Variants in LRRC7 observed in about 807,000 individuals in gnomAD.
LRRC7 encodes leucine-rich repeat-containing protein 7.
LRRC7 carries 23 observed loss-of-function variants against 175.7 expected under a neutral mutation model. The ratio of observed to expected loss-of-function variants is 0.13; its 90% CI spans 0.09 to 0.19. LRRC7 has a LOEUF of 0.19. Ranked by LOEUF, LRRC7 falls within the 10% of genes least tolerant of loss-of-function variation. The pLI is 1.00. For missense variants in LRRC7, 1,354 were observed against 1,904.7 expected (o/e 0.71, Z 5.38); for synonymous variants, 685 against 680.9 (o/e 1.01, Z -0.09).
At chr1:70,091,432 T>C (rs1275090044) in intron 25 of LRRC7, among the ~76,000 whole-genome samples, 1 of 152,152 alleles carries the variant, frequency 6.6e-6, no homozygotes, top group African/African-American at 2.4e-5. Flanking sequence ...AACCTTATGA[T>C]ACTTAAGAGA....
intron 18 of LRRC7, among the ~76,000 whole-genome samples, chr1:70,031,754 C>T (rs1329724173): frequency 6.6e-6 from 1 of 151,820 alleles, no homozygotes; most frequent in Non-Finnish European, 1.5e-5. Context: ...TTTTTTATCA[C>T]AGCAACCACC....
chr1:69,799,068 G>C (rs1219336949), intron 4 of LRRC7, among the ~76,000 whole-genome samples: 2 of 144,872 alleles, frequency 1.4e-5, no homozygotes, highest in Non-Finnish European at 3.0e-5. Flanking sequence ...TTAGGTTTTT[G>C]GTGACTTGAA....
At chr1:70,063,918 C>G (rs1661772835) in intron 23 of LRRC7, among the ~76,000 whole-genome samples, 1 of 151,936 alleles carries the variant, frequency 6.6e-6, no homozygotes, top group Non-Finnish European at 1.5e-5. Context: ...ATTCAATATG[C>G]CAGAGATGAC....
intron 23 of LRRC7, among the ~76,000 whole-genome samples, chr1:70,063,083 A>G (rs921445739): frequency 7.9e-5 from 12 of 152,130 alleles, no homozygotes; most frequent in Non-Finnish European, 1.6e-4. Context: ...GTATTGAAGG[A>G]CATCACTGTC....
intron 11 of LRRC7, among the ~76,000 whole-genome samples, chr1:69,999,625 A>G (rs1222673506): frequency 1.3e-5 from 2 of 152,166 alleles, no homozygotes; most frequent in Non-Finnish European, 2.9e-5. Flanking sequence ...AGATGGAAGT[A>G]TCCACTCAAA....
At chr1:69,788,072 TC>T (rs1674694083) in intron 3 of LRRC7, among the ~76,000 whole-genome samples, 1 of 151,978 alleles carries the variant, frequency 6.6e-6, no homozygotes, top group Admixed American at 6.6e-5. Context: ...CCCTGCTAAA[TC>T]CCTTTGCAGA....
intron 1 of LRRC7, among the ~76,000 whole-genome samples, chr1:69,625,239 T>C (rs1651292175): frequency 6.6e-6 from 1 of 151,516 alleles, no homozygotes; most frequent in South Asian, 2.1e-4. Context: ...TATGGGAATT[T>C]GTCTTTTGAT....
chr1:70,090,658 C>T (rs185102083), intron 25 of LRRC7, among the ~76,000 whole-genome samples: 53 of 152,000 alleles, frequency 3.5e-4, no homozygotes, highest in African/African-American at 1.3e-3. Flanking sequence ...TTAACTGACC[C>T]CATAAAACTT....
At chr1:69,594,833 C>G (rs1037048139) in intron 1 of LRRC7, among the ~76,000 whole-genome samples, 1 of 152,134 alleles carries the variant, frequency 6.6e-6, no homozygotes, top group East Asian at 1.9e-4. Context: ...ATTGAATCCA[C>G]TCATGCTGTT....
intron 7 of LRRC7, among the ~76,000 whole-genome samples, chr1:69,920,568 A>G (rs1482928518): frequency 1.3e-5 from 2 of 152,154 alleles, no homozygotes; most frequent in Non-Finnish European, 2.9e-5. Context: ...TAATAAAATT[A>G]GTTTTGTCTT....
At chr1:69,738,929 G>A (rs190935199) in intron 2 of LRRC7, among the ~76,000 whole-genome samples, 33 of 152,126 alleles carry the variant, frequency 2.2e-4, no homozygotes, top group African/African-American at 7.5e-4. Flanking sequence ...GAAAAAGATG[G>A]CCAAGTGAGA....
chr1:69,636,819 A>G (rs1263290229), intron 1 of LRRC7, among the ~76,000 whole-genome samples: 2 of 152,008 alleles, frequency 1.3e-5, no homozygotes, highest in Non-Finnish European at 2.9e-5. Context: ...TACAATGGAC[A>G]GTCTAGTGTT....
chr1:69,678,384 G>A lies in LRRC7; in HGVS notation c.6G>A (p.Met2Ile). Residue 2 changes from methionine (M) to isoleucine (I), a missense_variant, in exon 2 of 27, where the codon ATG becomes ATA. Around this residue, in one of 4 missense-constraint regions of LRRC7, gnomAD observed 68 missense variants for 83.4 expected, o/e 0.82. Coordinates refer to ENST00000651989, the MANE Select transcript of LRRC7 (RefSeq NM_001370785.2). MMENLIRGRNPP... is the reference protein window; with the variant it reads MIENLIRGRNPP... ...CTCTTCTGATTCTCTCTTATAGGAT[G>A]GAGAACCTAATAAGGGGAAGGAATC... The A allele has an allele frequency of 6.3e-7, 1 of 1,585,384 alleles. No homozygotes were observed. Among genetic ancestry groups the A allele is most frequent in the Non-Finnish European group, 8.6e-7 (1 of 1,163,100 alleles).
At chr1:69,587,167 T>G (rs902698617) in intron 1 of LRRC7, among the ~76,000 whole-genome samples, 5 of 152,210 alleles carry the variant, frequency 3.3e-5, no homozygotes, top group Admixed American at 2.0e-4. Context: ...ATCCCTTCTC[T>G]TTGTCTTCAT....
chr1:70,011,714 G>C, intron 11 of LRRC7, 83 bp from the exon 12 acceptor site: 2 of 895,228 alleles, frequency 2.2e-6, no homozygotes, highest in Non-Finnish European at 3.5e-6. Flanking sequence ...CTTTTGTTTT[G>C]GTGAATTTTG....
At chr1:69,742,401 C>T (rs575281883) in intron 2 of LRRC7, among the ~76,000 whole-genome samples, 2 of 151,638 alleles carry the variant, frequency 1.3e-5, no homozygotes, top group African/African-American at 2.4e-5. Flanking sequence ...ATTTGCAAAC[C>T]AATAATTTTA....
intron 1 of LRRC7, among the ~76,000 whole-genome samples, chr1:69,661,391 AT>A (rs1657453603): frequency 6.6e-6 from 1 of 152,170 alleles, no homozygotes; most frequent in Non-Finnish European, 1.5e-5. Context: ...GATTAAAAGT[AT>A]TTTATGCCTT....
intron 8 of LRRC7, among the ~76,000 whole-genome samples, chr1:69,950,095 AT>A (rs1341865590): frequency 6.6e-6 from 1 of 151,876 alleles, no homozygotes; most frequent in African/African-American, 2.4e-5. Flanking sequence ...TGTTTACTCT[AT>A]GTTTATGTAG....
At chr1:70,092,972 A>T (rs1664138681) in intron 25 of LRRC7, among the ~76,000 whole-genome samples, 1 of 152,168 alleles carries the variant, frequency 6.6e-6, no homozygotes, top group South Asian at 2.1e-4. Context: ...TTAGCCCTGC[A>T]GTTGATATTG....
Sources: gnomAD v4.1 joint callset for allele counts (sites outside exome capture counted in the v4.1 genomes callset) on GRCh38, gnomAD v4.1.1 for gene constraint, gnomAD v4.1.1 regional missense constraint, MANE v1.5 for transcripts, NCBI Gene and HGNC (gene_info 2026-07-23, HGNC 2026-07-21) for gene names.